Variants in BMP5 observed in about 807,000 individuals in gnomAD.
The protein encoded by BMP5 is bone morphogenetic protein 5.
A neutral mutation model predicts 46.6 loss-of-function variants in BMP5; 23 were observed. The observed-to-expected ratio is 0.49, with a 90% CI of 0.35 to 0.70. The LOEUF (loss-of-function observed/expected upper bound fraction) is 0.70, where lower values mean the gene tolerates loss of function less well. Among genes scored for constraint, BMP5 ranks in the 30% least tolerant of loss-of-function variants. BMP5 has a pLI of 0.00. For missense variants in BMP5, 545 were observed against 565.6 expected, an observed-to-expected ratio of 0.96 and a Z score of 0.37; for synonymous variants, 204 against 191.9, an observed-to-expected ratio of 1.06 and a Z score of -0.52.
intron 1 of BMP5, among the ~76,000 whole-genome samples, chr6:55,829,803 A>T (rs1424846304): frequency 2.0e-5 from 3 of 152,028 alleles, no homozygotes; most frequent in Non-Finnish European, 4.4e-5. Flanking sequence ...ACCATATGTG[A>T]TGTTTTTGAA....
At chr6:55,834,520 G>C (rs1776742930) in intron 1 of BMP5, among the ~76,000 whole-genome samples, 1 of 151,838 alleles carries the variant, frequency 6.6e-6, no homozygotes, top group African/African-American at 2.4e-5. Context: ...CTGCTTTCAT[G>C]TTTGTTTGTT....
intron 1 of BMP5, among the ~76,000 whole-genome samples, chr6:55,857,499 G>T (rs887682245): frequency 5.3e-5 from 8 of 152,178 alleles, no homozygotes; most frequent in Non-Finnish European, 8.8e-5. Flanking sequence ...GGTGCCAAAA[G>T]TGGGTTATGA....
In BMP5 at chr6:55,861,907, T is replaced by A. The variant is rs569219874; in HGVS notation, c.490+12469A>T. Among the ~76,000 whole-genome samples the A allele has an allele frequency of 2.0e-5, 3 of 152,336 alleles. No individual in the cohort carries two copies. The South Asian group carries it at 6.2e-4, about 32-fold the overall frequency. On this transcript the variant is annotated intron_variant, in intron 1 of 6. Coordinates refer to ENST00000370830, the MANE Select transcript of BMP5 (RefSeq NM_021073.4). ...GAATAGCTTGAGCTCTGAATCCAGT[T>A]CTTCCTATTACAGGAAGTAGGACTT... is the stretch of plus-strand genomic sequence containing the variant.
intron 3 of BMP5, among the ~76,000 whole-genome samples, chr6:55,774,535 A>G (rs1387688882): frequency 6.6e-6 from 1 of 151,994 alleles, no homozygotes; most frequent in Non-Finnish European, 1.5e-5. Context: ...GGAAGATTTG[A>G]CTACTCATTC....
intron 4 of BMP5, among the ~76,000 whole-genome samples, chr6:55,761,029 T>A (rs1774763139): frequency 6.6e-6 from 1 of 152,036 alleles, no homozygotes; most frequent in South Asian, 2.1e-4. Flanking sequence ...GAGCTTCTAA[T>A]CATCCCCCAA....
chr6:55,833,508 C>T (rs964396877), intron 1 of BMP5, among the ~76,000 whole-genome samples: 2 of 152,044 alleles, frequency 1.3e-5, no homozygotes, highest in Admixed American at 6.6e-5. Context: ...TTGAAGGAAA[C>T]CAGCAAAACT....
intron 1 of BMP5, among the ~76,000 whole-genome samples, chr6:55,863,329 CA>C (rs561801782): frequency 1.1e-4 from 17 of 152,190 alleles, no homozygotes; most frequent in African/African-American, 4.1e-4. Flanking sequence ...AATTTTGTTA[CA>C]AAGCAAAGAA....
At chr6:55,868,980 A>G (rs1391943050) in intron 1 of BMP5, among the ~76,000 whole-genome samples, 1 of 152,224 alleles carries the variant, frequency 6.6e-6, no homozygotes, top group Non-Finnish European at 1.5e-5. Context: ...AGAAGCACTC[A>G]TAAATATTAC....
At chr6:55,792,083 A>G (rs1209096737) in intron 3 of BMP5, among the ~76,000 whole-genome samples, 2 of 152,198 alleles carry the variant, frequency 1.3e-5, no homozygotes, top group Non-Finnish European at 1.5e-5. Flanking sequence ...GTAAAGCCAT[A>G]ATTGTACTCT....
chr6:55,826,296 G>A (rs1776530122), intron 1 of BMP5, among the ~76,000 whole-genome samples: 1 of 151,592 alleles, frequency 6.6e-6, no homozygotes, highest in Admixed American at 6.6e-5. Flanking sequence ...ATTTTCTACA[G>A]TTATTATCCT....
chr6:55,754,065 G>C lies in BMP5; in HGVS notation c.*1468C>G, dbSNP rs1428217042. 1.3e-5 allele frequency: 2 copies of C among 151,738 alleles called. No homozygotes were observed. The highest frequency in any genetic ancestry group is 2.9e-5 in the Non-Finnish European group (2 of 67,872). 9.4% of individuals were successfully genotyped at this position (151,738 alleles called of 1,614,324 possible). On this transcript the variant is annotated 3_prime_UTR_variant, in exon 7 of 7. Transcript: ENST00000370830. ...TTAATATACCCGAATTACAAACAAA[G>C]CCATAACATTTTTGAAGACATTTTT...
In BMP5 at chr6:55,874,612, T is replaced by C. The variant is rs1777861680; in HGVS notation, c.254A>G (p.Tyr85Cys). The C allele has an allele frequency of 6.2e-7, 1 of 1,613,622 alleles. No homozygotes were observed. The highest frequency in any genetic ancestry group is 8.5e-7 in the Non-Finnish European group (1 of 1,179,718). Reference protein sequence around the residue: ...SSAPLFMLDLYNAMTNEENPE... With the variant: ...SSAPLFMLDLCNAMTNEENPE... Reference sequence around the variant, plus strand: ...ATTTTCTTCATTGGTCATGGCATTGTAGAGATCCAGCATAAAGAGAGGTGC... The same window carrying C: ...ATTTTCTTCATTGGTCATGGCATTGCAGAGATCCAGCATAAAGAGAGGTGC... Residue 85 changes from tyrosine to cysteine, a missense_variant, in exon 1 of 7, where the codon TAC becomes TGC. Coordinates refer to ENST00000370830, the MANE Select transcript of BMP5 (RefSeq NM_021073.4).
At chr6:55,760,193 C>CA (rs748356349) in intron 5 of BMP5, among the ~76,000 whole-genome samples, 1 of 151,940 alleles carries the variant, frequency 6.6e-6, no homozygotes, top group Non-Finnish European at 1.5e-5. Context: ...TAAACAACGG[C>CA]ACTCTTTTTT....
chr6:55,801,993 T>C (rs1279577646), intron 2 of BMP5, among the ~76,000 whole-genome samples: 1 of 152,218 alleles, frequency 6.6e-6, no homozygotes, highest in Non-Finnish European at 1.5e-5. Flanking sequence ...TGAACTGATA[T>C]CCTTCAAGGA....
chr6:55,756,244 C>A (rs1774594390), intron 6 of BMP5, among the ~76,000 whole-genome samples: 1 of 151,912 alleles, frequency 6.6e-6, no homozygotes, highest in South Asian at 2.1e-4. Flanking sequence ...GATTTCAGCT[C>A]TTCATAGAAT....
chr6:55,830,125 C>G (rs1383447861), intron 1 of BMP5, among the ~76,000 whole-genome samples: 4 of 151,938 alleles, frequency 2.6e-5, no homozygotes, highest in Non-Finnish European at 5.9e-5. Context: ...CTTAACATCT[C>G]TTTATAGCAC....
At chr6:55,849,251 T>C (rs556904479) in intron 1 of BMP5, among the ~76,000 whole-genome samples, 1 of 152,136 alleles carries the variant, frequency 6.6e-6, no homozygotes, top group African/African-American at 2.4e-5. Context: ...GAGAAAACTG[T>C]AACAGCAAGA....
intron 4 of BMP5, among the ~76,000 whole-genome samples, chr6:55,771,054 T>C (rs1775036136): frequency 6.6e-6 from 1 of 151,796 alleles, no homozygotes; most frequent in Non-Finnish European, 1.5e-5. Flanking sequence ...CAAATGCTGT[T>C]GGAAAAAATG....
At chr6:55,811,426 T>C (rs1776131606) in intron 2 of BMP5, among the ~76,000 whole-genome samples, 1 of 152,208 alleles carries the variant, frequency 6.6e-6, no homozygotes, top group Non-Finnish European at 1.5e-5. Context: ...TATATATTTG[T>C]GAAAAAATTA....
Sources: allele counts gnomAD v4.1 joint callset (sites outside exome capture counted in the v4.1 genomes callset), GRCh38; gene constraint gnomAD v4.1.1; transcripts MANE v1.5; gene names NCBI Gene and HGNC (gene_info 2026-07-23, HGNC 2026-07-21).